HDAC9: variants seen among roughly 807,000 people sequenced by gnomAD.
The protein encoded by HDAC9 is MEF-2 interacting transcription repressor (MITR) protein.
In HDAC9, 41 loss-of-function variants were observed where a neutral mutation model predicts 139.4. The observed-to-expected ratio is 0.29, with a 90% CI of 0.23 to 0.38. The LOEUF (loss-of-function observed/expected upper bound fraction) is 0.38, where lower values mean the gene tolerates loss of function less well. HDAC9 is among the 10% of genes least tolerant of loss of function. The probability of loss-of-function intolerance (pLI) is 1.00; values close to 1 mark genes in which losing one functional copy is unlikely to be tolerated. For missense variants in HDAC9, 1,147 were observed against 1,297.0 expected (o/e 0.88, Z 1.78); for synonymous variants, 517 against 476.2 (o/e 1.09, Z -1.12).
At chr7:18,638,322 A>G (rs1399293584) in intron 8 of HDAC9, among the ~76,000 whole-genome samples, 1 of 152,098 alleles carries the variant, frequency 6.6e-6, no homozygotes, top group Non-Finnish European at 1.5e-5. Context: ...CTAGATGAAA[A>G]CAAAATTTTC....
chr7:18,396,524 A>C (rs1320348211), intron 1 of HDAC9, among the ~76,000 whole-genome samples: 1 of 151,862 alleles, frequency 6.6e-6, no homozygotes, highest in African/African-American at 2.4e-5. Context: ...TCTCCTCTCT[A>C]ACTTGATTTT....
At chr7:18,717,361 A>G (rs974230285) in intron 12 of HDAC9, among the ~76,000 whole-genome samples, 6 of 150,828 alleles carry the variant, frequency 4.0e-5, no homozygotes, top group Non-Finnish European at 8.9e-5. Flanking sequence ...TGTTAAAGAT[A>G]CCCTCTACCT....
chr7:18,759,306 G>T (rs1789164954), intron 14 of HDAC9, among the ~76,000 whole-genome samples: 1 of 152,118 alleles, frequency 6.6e-6, no homozygotes, highest in Admixed American at 6.6e-5. Flanking sequence ...GCAGGTGAGT[G>T]AGTGAAGCTT....
chr7:18,093,657 TATTAA>T (rs1460010980), intron 1 of HDAC9, among the ~76,000 whole-genome samples: 1 of 152,240 alleles, frequency 6.6e-6, no homozygotes, highest in African/African-American at 2.4e-5. Flanking sequence ...AGATTTCTAC[TATTAA>T]ATTAAATCAG....
chr7:18,699,118 G>C (rs1007166681), intron 12 of HDAC9, among the ~76,000 whole-genome samples: 1 of 152,112 alleles, frequency 6.6e-6, no homozygotes, highest in African/African-American at 2.4e-5. Flanking sequence ...CTCCCTAACT[G>C]TGTCAACTGG....
intron 16 of HDAC9, among the ~76,000 whole-genome samples, chr7:18,770,270 T>A (rs1790176736): frequency 6.6e-6 from 1 of 152,152 alleles, no homozygotes; most frequent in Non-Finnish European, 1.5e-5. Context: ...TATGGCTGAC[T>A]CATTTCTGAT....
intron 2 of HDAC9, among the ~76,000 whole-genome samples, chr7:18,502,800 A>G (rs1273733686): frequency 6.6e-6 from 1 of 152,184 alleles, no homozygotes; most frequent in Non-Finnish European, 1.5e-5. Context: ...TGTTTTCTGA[A>G]GGAAGGAGAG....
chr7:18,714,649 T>G (rs990536752), intron 12 of HDAC9, among the ~76,000 whole-genome samples: 4 of 152,246 alleles, frequency 2.6e-5, no homozygotes, highest in African/African-American at 4.8e-5. Context: ...TTTGCCAAGC[T>G]AAACCCTTCT....
chr7:18,089,758 G>T (rs1303974568), intron 1 of HDAC9, among the ~76,000 whole-genome samples: 1 of 152,152 alleles, frequency 6.6e-6, no homozygotes, highest in East Asian at 1.9e-4. Context: ...AAATAGAGAT[G>T]TGGAGAAATA....
At chr7:18,338,145 A>C (rs1781720545) in intron 1 of HDAC9, among the ~76,000 whole-genome samples, 1 of 151,726 alleles carries the variant, frequency 6.6e-6, no homozygotes, top group East Asian at 1.9e-4. Context: ...GATAATTCAC[A>C]TTTCAGAAGT....
chr7:18,392,799 G>A (rs1786654748), intron 1 of HDAC9, among the ~76,000 whole-genome samples: 1 of 151,862 alleles, frequency 6.6e-6, no homozygotes, highest in East Asian at 1.9e-4. Flanking sequence ...GAAAGAACCA[G>A]CGAGGGCTAA....
At chr7:18,723,110 A>G (rs889931154) in intron 12 of HDAC9, among the ~76,000 whole-genome samples, 1 of 151,714 alleles carries the variant, frequency 6.6e-6, no homozygotes, top group Non-Finnish European at 1.5e-5. Context: ...TCTGGACTCT[A>G]TTTCTCATAT....
chr7:18,543,849 A>G (rs1386851305), intron 2 of HDAC9, among the ~76,000 whole-genome samples: 1 of 151,750 alleles, frequency 6.6e-6, no homozygotes, highest in Non-Finnish European at 1.5e-5. Flanking sequence ...AGGGAACAGC[A>G]TATTTAAAAG....
chr7:18,750,140 C>A (rs1465987068), intron 14 of HDAC9, among the ~76,000 whole-genome samples: 1 of 152,148 alleles, frequency 6.6e-6, no homozygotes, highest in Non-Finnish European at 1.5e-5. Flanking sequence ...CACTTGCCTA[C>A]GTATGATAGT....
chr7:18,190,898 C>T (rs914670188), intron 2 of HDAC9, among the ~76,000 whole-genome samples: 6 of 152,162 alleles, frequency 3.9e-5, no homozygotes, highest in African/African-American at 1.2e-4. Flanking sequence ...GTAAAACATG[C>T]GGAATATTAT....
At chr7:18,955,101 C>A (rs917481319) in intron 24 of HDAC9, among the ~76,000 whole-genome samples, 1 of 152,092 alleles carries the variant, frequency 6.6e-6, no homozygotes, top group Non-Finnish European at 1.5e-5. Flanking sequence ...CATTTATTGA[C>A]TACATGTCAT....
At chr7:18,450,723 A>G (rs538083016) in intron 1 of HDAC9, among the ~76,000 whole-genome samples, 6 of 152,182 alleles carry the variant, frequency 3.9e-5, no homozygotes, top group South Asian at 2.1e-4. Context: ...TATTCATACT[A>G]TAACTAATAT....
At chr7:18,412,542 A>G (rs1178762230) in intron 1 of HDAC9, among the ~76,000 whole-genome samples, 2 of 152,190 alleles carry the variant, frequency 1.3e-5, no homozygotes, top group African/African-American at 4.8e-5. Flanking sequence ...GAATCCTATG[A>G]TGAAGACACG....
chr7:18,173,560 C>T (rs1788627264), intron 2 of HDAC9, among the ~76,000 whole-genome samples: 1 of 152,218 alleles, frequency 6.6e-6, no homozygotes, highest in Non-Finnish European at 1.5e-5. Context: ...ACGGTCTTTA[C>T]AATTTGGCAT....
Sources: allele counts gnomAD v4.1 joint callset (sites outside exome capture counted in the v4.1 genomes callset), GRCh38; gene constraint gnomAD v4.1.1; transcripts MANE v1.5; gene names NCBI Gene and HGNC (gene_info 2026-07-23, HGNC 2026-07-21).